Variants in CADPS2 observed in about 807,000 individuals in gnomAD.
CADPS2 encodes the protein calcium-dependent secretion activator 2.
A neutral mutation model predicts 172.5 loss-of-function variants in CADPS2; 93 were observed. That is an observed-to-expected ratio of 0.54 (90% CI 0.46 to 0.64). The LOEUF is 0.64. Among genes scored for constraint, CADPS2 ranks in the 30% least tolerant of loss-of-function variants. The pLI is 0.00. For synonymous variants in CADPS2, 546 were observed against 555.2 expected, an observed-to-expected ratio of 0.98 and a Z score of 0.23; for missense variants, 1,420 against 1,565.9, an observed-to-expected ratio of 0.91 and a Z score of 1.57.
At chr7:122,810,626 A>G (rs1273174729) in intron 1 of CADPS2, among the ~76,000 whole-genome samples, 1 of 152,168 alleles carries the variant, frequency 6.6e-6, no homozygotes, top group East Asian at 1.9e-4. Flanking sequence ...ATAACCATTT[A>G]TTCGCAGGAT....
chr7:122,491,275 C>A, intron 10 of CADPS2, 37 bp downstream of exon 10: 1 of 1,317,458 alleles, frequency 7.6e-7, no homozygotes, highest in Non-Finnish European at 1.1e-6. Context: ...TCCATGCATA[C>A]ATACATGGCA....
chr7:122,645,293 A>C (rs1421418223), intron 3 of CADPS2, among the ~76,000 whole-genome samples: 1 of 138,844 alleles, frequency 7.2e-6, no homozygotes. Flanking sequence ...ATATGTACAT[A>C]TATACACATA....
rs891993905 is a variant in CADPS2 at position 122,744,970 on chromosome 7, C to T, written c.340-7902G>A. ...TACATTCCATGTACATCTCATTTTT[C>T]TTTTTTTTTTTACTTTATTGAACTA... On this transcript the variant is annotated intron_variant, in intron 1 of 29. Transcript: ENST00000449022. Among the ~76,000 whole-genome samples, 3 of 147,872 alleles carry T rather than the reference C, an allele frequency of 2.0e-5. No individual in the cohort carries two copies. In the East Asian group the frequency reaches 6.0e-4, roughly 29 times the overall value.
At chr7:122,471,136 T>C (rs1282723828) in intron 14 of CADPS2, among the ~76,000 whole-genome samples, 1 of 152,066 alleles carries the variant, frequency 6.6e-6, no homozygotes, top group Non-Finnish European at 1.5e-5. Flanking sequence ...TCTAATCTCA[T>C]ATTTTTTCTC....
intron 2 of CADPS2, among the ~76,000 whole-genome samples, chr7:122,665,708 A>G (rs1467397973): frequency 6.6e-6 from 1 of 152,206 alleles, no homozygotes; most frequent in Non-Finnish European, 1.5e-5. Flanking sequence ...CCACTGAGTT[A>G]TATCACTTTT....
At chr7:122,631,586 T>A (rs1434300428) in intron 3 of CADPS2, among the ~76,000 whole-genome samples, 2 of 152,100 alleles carry the variant, frequency 1.3e-5, no homozygotes, top group East Asian at 3.8e-4. Context: ...GTCTGTTTTT[T>A]TAAAAAATAA....
intron 2 of CADPS2, among the ~76,000 whole-genome samples, chr7:122,673,846 G>A (rs953431910): frequency 6.6e-6 from 1 of 151,892 alleles, no homozygotes; most frequent in Admixed American, 6.6e-5. Flanking sequence ...AGATGGGACC[G>A]GGTGCCGTGG....
chr7:122,411,379 C>G (rs949951588), intron 19 of CADPS2, among the ~76,000 whole-genome samples: 1 of 151,928 alleles, frequency 6.6e-6, no homozygotes, highest in African/African-American at 2.4e-5. Flanking sequence ...CACCACCATG[C>G]CCAGCTAATT....
chr7:122,686,061 T>C (rs1205609935), intron 2 of CADPS2, among the ~76,000 whole-genome samples: 1 of 152,230 alleles, frequency 6.6e-6, no homozygotes, highest in Non-Finnish European at 1.5e-5. Context: ...TCACCTGTGG[T>C]CCACTTTTTT....
At chr7:122,672,354 A>G (rs1196918818) in intron 2 of CADPS2, among the ~76,000 whole-genome samples, 1 of 152,152 alleles carries the variant, frequency 6.6e-6, no homozygotes, top group Non-Finnish European at 1.5e-5. Flanking sequence ...CAGGATTCTC[A>G]GTGAAATTCT....
At chr7:122,628,309 G>A (rs897042405) in intron 4 of CADPS2, among the ~76,000 whole-genome samples, 1 of 151,916 alleles carries the variant, frequency 6.6e-6, no homozygotes, top group African/African-American at 2.4e-5. Flanking sequence ...AATTAGTATG[G>A]GATATAACTT....
chr7:122,471,486 T>C lies in CADPS2; in HGVS notation c.2075A>G (p.His692Arg). 6.2e-7 allele frequency: 1 copy of C among 1,613,142 alleles called. No individual in the cohort carries two copies. The highest frequency in any genetic ancestry group is 8.5e-7 in the Non-Finnish European group (1 of 1,179,544). Residue 692 changes from histidine to arginine, a missense_variant, in exon 14 of 30, where the codon CAT (histidine) becomes CGT (arginine). By Grantham distance (29) the His-to-Arg change is conservative. Transcript: ENST00000449022. ...CATCAGTTCTGCAAGGTAGCAGAGA[T>C]GTCTGTGACAGCCTCTCACACCATA... ...ARYGVRGCHR[H>R]LCYLAELMEH...
At chr7:122,487,313 CATAACTTTTAT>C (rs1175789632) in intron 11 of CADPS2, among the ~76,000 whole-genome samples, 1 of 152,032 alleles carries the variant, frequency 6.6e-6, no homozygotes. Flanking sequence ...GCCGGCCAAA[CATAACTTTTAT>C]ACACACTGGG....
chr7:122,646,722 C>T (rs1462825249), intron 3 of CADPS2, among the ~76,000 whole-genome samples: 2 of 152,066 alleles, frequency 1.3e-5, no homozygotes, highest in East Asian at 1.9e-4. Flanking sequence ...GTATAAATTT[C>T]ATTTTTTTCC....
At chr7:122,672,826 T>C (rs2081997883) in intron 2 of CADPS2, among the ~76,000 whole-genome samples, 1 of 152,232 alleles carries the variant, frequency 6.6e-6, no homozygotes, top group Non-Finnish European at 1.5e-5. Context: ...AACTATGACA[T>C]ACCACTGTGT....
intron 1 of CADPS2, among the ~76,000 whole-genome samples, chr7:122,809,992 GA>G (rs1337357567): frequency 6.6e-6 from 1 of 152,134 alleles, no homozygotes; most frequent in Admixed American, 6.6e-5. Flanking sequence ...AAATGAGCTG[GA>G]AAACAGTTCA....
chr7:122,800,007 G>A lies in CADPS2; in HGVS notation c.340-62939C>T, dbSNP rs1011129472. On this transcript the variant is annotated intron_variant, in intron 1 of 29. Transcript: ENST00000449022. ...AAAAGATATGTAACCTCTACTACTC[G>A]GTTATCCTGGGTAGAAAACCACATC... Among the ~76,000 whole-genome samples, 4 of 152,080 alleles carry A rather than the reference G, an allele frequency of 2.6e-5. No homozygotes were observed. The East Asian group carries it at 5.8e-4, about 22-fold the overall frequency.
chr7:122,414,320 AAG>A (rs2047638600), intron 18 of CADPS2, among the ~76,000 whole-genome samples: 1 of 152,202 alleles, frequency 6.6e-6, no homozygotes, highest in Non-Finnish European at 1.5e-5. Flanking sequence ...TGATTGCAAG[AAG>A]TATAATTAAC....
intron 1 of CADPS2, among the ~76,000 whole-genome samples, chr7:122,827,970 G>T (rs1805425500): frequency 6.6e-6 from 1 of 152,162 alleles, no homozygotes; most frequent in South Asian, 2.1e-4. Flanking sequence ...GCTGATTTTT[G>T]TCTAGTAGTT....
Sources: allele counts gnomAD v4.1 joint callset (sites outside exome capture counted in the v4.1 genomes callset), GRCh38; gene constraint gnomAD v4.1.1; transcripts MANE v1.5; gene names NCBI Gene and HGNC (gene_info 2026-07-23, HGNC 2026-07-21).